MCF2L2: variants seen among roughly 807,000 people sequenced by gnomAD.
MCF2L2 encodes MCF.2 cell line derived transforming sequence-like 2.
A neutral mutation model predicts 150.2 loss-of-function variants in MCF2L2; 102 were observed. The observed-to-expected ratio is 0.68, with a 90% confidence interval of 0.58 to 0.80. The LOEUF is 0.80. MCF2L2 is among the 30% of genes least tolerant of loss of function. MCF2L2 has a pLI of 0.00. For synonymous variants in MCF2L2, 465 were observed against 491.3 expected, an observed-to-expected ratio of 0.95 and a Z score of 0.71; for missense variants, 1,256 against 1,372.8, an observed-to-expected ratio of 0.91 and a Z score of 1.34.
intron 1 of MCF2L2, among the ~76,000 whole-genome samples, chr3:183,391,568 A>T (rs1035465565): frequency 3.3e-5 from 5 of 152,196 alleles, no homozygotes; most frequent in Admixed American, 3.3e-4. Flanking sequence ...AGATTTGCTG[A>T]CAAATACTCC....
At chr3:183,259,668 G>A (rs145519281) in intron 15 of MCF2L2, among the ~76,000 whole-genome samples, 6 of 152,080 alleles carry the variant, frequency 3.9e-5, no homozygotes, top group African/African-American at 7.2e-5. Flanking sequence ...CCCTGAGTCC[G>A]GTACTTTTTT....
chr3:183,193,785 T>C (rs2108636173), intron 26 of MCF2L2, among the ~76,000 whole-genome samples: 1 of 152,328 alleles, frequency 6.6e-6, no homozygotes, highest in African/African-American at 2.4e-5. Context: ...ATCCAGTGAA[T>C]AAACACCTAC....
intron 22 of MCF2L2, among the ~76,000 whole-genome samples, chr3:183,212,414 G>A (rs1722765071): frequency 6.6e-6 from 1 of 152,198 alleles, no homozygotes. Flanking sequence ...GAACATAGCG[G>A]CTACCTCAAA....
chr3:183,280,919 A>G (rs1727438219), intron 14 of MCF2L2, among the ~76,000 whole-genome samples: 1 of 151,870 alleles, frequency 6.6e-6, no homozygotes, highest in Admixed American at 6.6e-5. Context: ...AGGTGAAAGT[A>G]TTATTCACTA....
intron 6 of MCF2L2, among the ~76,000 whole-genome samples, chr3:183,322,974 A>ATT (rs1373077601): frequency 1.3e-5 from 2 of 152,160 alleles, no homozygotes; most frequent in Non-Finnish European, 2.9e-5. Flanking sequence ...GTGTTTCTGG[A>ATT]AACTTCCCAG....
At position 183,195,222 on chromosome 3, in the gene MCF2L2, C is replaced by G; in HGVS notation, c.2918G>C (p.Ser973Thr). Residue 973 changes from serine (S) to threonine (T), a missense_variant and splice_region_variant, in exon 26 of 30, where the codon AGC becomes ACC. By Grantham distance (58) the Ser-to-Thr change is moderately conservative. Coordinates refer to ENST00000328913, the MANE Select transcript of MCF2L2 (RefSeq NM_015078.4). ...TTAAAATAAAAAAATCAGTACTCACCTCGTGCTCATTTCAAACTGTGGATT... is the reference window on the plus strand; with the variant it reads ...TTAAAATAAAAAAATCAGTACTCACGTCGTGCTCATTTCAAACTGTGGATT... ...QGNPQFEMST[S>T]KGSGAGSGPW... 1 of 1,604,134 alleles carries G rather than the reference C, an allele frequency of 6.2e-7. No homozygotes were observed.
intron 3 of MCF2L2, chr3:183,373,794 G>A (rs745673108): frequency 6.6e-6 from 1 of 152,108 alleles, no homozygotes; most frequent in African/African-American, 2.4e-5. Context: ...GTCTTAGCAT[G>A]GCTTTGATTA....
chr3:183,315,191 G>A (rs553497438), intron 7 of MCF2L2, among the ~76,000 whole-genome samples: 5 of 151,492 alleles, frequency 3.3e-5, no homozygotes, highest in Non-Finnish European at 5.9e-5. Flanking sequence ...CCCCCGCCTC[G>A]GCCTCCCAAA....
chr3:183,209,566 G>A (rs539559725), intron 22 of MCF2L2, among the ~76,000 whole-genome samples: 59 of 152,200 alleles, frequency 3.9e-4, no homozygotes, highest in Non-Finnish European at 7.2e-4. Flanking sequence ...TTGGCTCACC[G>A]CAACCTCTGT....
intron 15 of MCF2L2, chr3:183,265,908 G>T (rs2108433641): frequency 6.6e-6 from 1 of 152,322 alleles, no homozygotes; most frequent in Non-Finnish European, 1.5e-5. Context: ...ATGCTGTGCT[G>T]AACTAAATAA....
rs1723253003 is a variant in MCF2L2 at position 183,223,974 on chromosome 3, G to A, written c.2208+124C>T. The A allele has an allele frequency of 5.3e-6, 4 of 752,810 alleles. No individual in the cohort carries two copies. In the Admixed American group the frequency reaches 8.0e-5, roughly 15 times the overall value. 46.6% of individuals were successfully genotyped at this position (752,810 alleles called of 1,614,324 possible). A position where few individuals can be genotyped will look rare whatever the true frequency, so the allele number is the denominator to read the frequency against. On this transcript the variant is annotated intron_variant, in intron 19 of 29. Coordinates refer to ENST00000328913, the MANE Select transcript of MCF2L2 (RefSeq NM_015078.4). ...CTTTTCATGTGTAATTTCAAAGTATGGGACACTTTAAATAAACATAAATCG... is the reference window on the plus strand; with the variant it reads ...CTTTTCATGTGTAATTTCAAAGTATAGGACACTTTAAATAAACATAAATCG...
chr3:183,274,313 G>A (rs1027121047), intron 15 of MCF2L2, among the ~76,000 whole-genome samples: 5 of 152,064 alleles, frequency 3.3e-5, no homozygotes, highest in Admixed American at 6.6e-5. Flanking sequence ...TAGTTATAGC[G>A]CTTTAAGATA....
rs1463907235 is a variant in MCF2L2 at position 183,260,125 on chromosome 3, C to T, written c.1862+16747G>A. Reference sequence around the variant, plus strand: ...GCTGGGACTCACAAGCTGCTCTAAGCTGCCACAGGGTCTGGAATTTGTTGA... The same window carrying T: ...GCTGGGACTCACAAGCTGCTCTAAGTTGCCACAGGGTCTGGAATTTGTTGA... On this transcript the variant is annotated intron_variant, in intron 15 of 29. Coordinates refer to ENST00000328913, the MANE Select transcript of MCF2L2 (RefSeq NM_015078.4). Among the ~76,000 whole-genome samples, 6 of 152,130 alleles carry T rather than the reference C, an allele frequency of 3.9e-5. No homozygotes were observed. The East Asian group carries it at 1.2e-3, about 29-fold the overall frequency.
intron 21 of MCF2L2, among the ~76,000 whole-genome samples, chr3:183,219,177 G>C (rs978797546): frequency 3.3e-5 from 5 of 152,082 alleles, no homozygotes; most frequent in Non-Finnish European, 7.4e-5. Flanking sequence ...ATAACATATA[G>C]AAATTAGATA....
chr3:183,331,435 T>C (rs762631925), intron 5 of MCF2L2, among the ~76,000 whole-genome samples: 37 of 152,244 alleles, frequency 2.4e-4, no homozygotes, highest in Non-Finnish European at 2.5e-4. Context: ...GTGCATATTC[T>C]TGTAACAATT....
In MCF2L2 at chr3:183,270,171, A is replaced by C; in HGVS notation, c.1862+6701T>G. On this transcript the variant is annotated intron_variant, in intron 15 of 29. Transcript: ENST00000328913. The surrounding 1 kb of genome is among the most constrained non-coding windows in gnomAD (Gnocchi z 4.5). Reference sequence around the variant, plus strand: ...TGTTCGGTCTCAGCTGAATGCCAACATCAAAACTCTGTTTGCCTTAGGAAC... The same window carrying C: ...TGTTCGGTCTCAGCTGAATGCCAACCTCAAAACTCTGTTTGCCTTAGGAAC... 6.2e-7 allele frequency: 1 copy of C among 1,614,198 alleles called. No homozygotes were observed. The highest frequency in any genetic ancestry group is 8.5e-7 in the Non-Finnish European group (1 of 1,180,030).
Position 183,179,612 on chromosome 3 carries a change from G to A in MCF2L2, c.3186C>T (p.Ser1062=). 6.2e-7 allele frequency: 1 copy of A among 1,614,142 alleles called. No individual in the cohort carries two copies. The highest frequency in any genetic ancestry group is 8.5e-7 in the Non-Finnish European group (1 of 1,179,992). Residue 1062 remains serine, a synonymous_variant, in exon 29 of 30, where the codon AGC becomes AGT. Transcript: ENST00000328913. The surrounding 1 kb of genome is among the most constrained non-coding windows in gnomAD (Gnocchi z 4.2). ...KSAFLERGES[S]QGEKEERDEE... is the part of the protein sequence containing the mutation. ...CATCGCGTTCTTCTTTTTCTCCCTG[G>A]CTGCTTTCTCCCCTCTCCAGGAAAG...
intron 1 of MCF2L2, among the ~76,000 whole-genome samples, chr3:183,417,883 A>G (rs1330334854): frequency 2.6e-5 from 4 of 152,190 alleles, no homozygotes; most frequent in African/African-American, 9.7e-5. Context: ...GAGAGGGTGC[A>G]GTGGAAACTG....
At chr3:183,335,652 G>A (rs1231696539) in intron 5 of MCF2L2, among the ~76,000 whole-genome samples, 1 of 151,936 alleles carries the variant, frequency 6.6e-6, no homozygotes, top group South Asian at 2.1e-4. Flanking sequence ...AGGATAGGTT[G>A]AGCCCAGGAG....
Sources: gnomAD v4.1 joint callset for allele counts (sites outside exome capture counted in the v4.1 genomes callset) on GRCh38, gnomAD v4.1.1 for gene constraint, Gnocchi (gnomAD v3.1) non-coding constraint, MANE v1.5 for transcripts, NCBI Gene and HGNC (gene_info 2026-07-23, HGNC 2026-07-21) for gene names.